The following PRUNE2 variants were observed in gnomAD, a reference collection of about 807,000 sequenced individuals.
PRUNE2 encodes prune homolog 2 with BCH domain, also known as protein prune homolog 2.
In PRUNE2, 164 loss-of-function variants were observed where a neutral mutation model predicts 252.0. That is an observed-to-expected ratio of 0.65 (90% CI 0.57 to 0.74). The LOEUF is 0.74. Among genes scored for constraint, PRUNE2 ranks in the 30% least tolerant of loss-of-function variants. The probability of loss-of-function intolerance (pLI) is 0.00; values close to 1 mark genes in which losing one functional copy is unlikely to be tolerated. For missense variants in PRUNE2, 3,495 were observed against 3,711.0 expected (o/e 0.94, Z 1.51); for synonymous variants, 1,292 against 1,350.2 (o/e 0.96, Z 0.94).
intron 1 of PRUNE2, among the ~76,000 whole-genome samples, chr9:76,884,218 G>A (rs936997271): frequency 1.3e-5 from 2 of 152,084 alleles, no homozygotes; most frequent in African/African-American, 4.8e-5. Context: ...TCCATCCCTG[G>A]TTTCACTGCA....
At chr9:76,781,991 G>C (rs572946688) in intron 6 of PRUNE2, among the ~76,000 whole-genome samples, 8 of 152,280 alleles carry the variant, frequency 5.3e-5, no homozygotes, top group South Asian at 2.1e-4. Flanking sequence ...GAAGCAGGTG[G>C]ATCATGAGGT....
intron 9 of PRUNE2, among the ~76,000 whole-genome samples, chr9:76,671,555 C>T (rs560001528): frequency 3.2e-4 from 48 of 152,196 alleles, no homozygotes; most frequent in Middle Eastern, 3.4e-3. Flanking sequence ...ACAGAGAACG[C>T]CACAAAGATA....
chr9:76,858,846 G>C (rs1233100759), intron 1 of PRUNE2, among the ~76,000 whole-genome samples: 2 of 152,066 alleles, frequency 1.3e-5, no homozygotes, highest in Non-Finnish European at 2.9e-5. Flanking sequence ...GGGTGTCTCA[G>C]GCTAAGGAAA....
At chr9:76,855,838 C>T (rs375253603) in intron 1 of PRUNE2, among the ~76,000 whole-genome samples, 8 of 152,280 alleles carry the variant, frequency 5.3e-5, no homozygotes, top group African/African-American at 1.9e-4. Context: ...AGTTTCCTTC[C>T]CCTACACTCA....
chr9:76,814,292 T>C (rs1199832932), intron 6 of PRUNE2, among the ~76,000 whole-genome samples: 2 of 152,050 alleles, frequency 1.3e-5, no homozygotes, highest in Non-Finnish European at 1.5e-5. Context: ...ACACCTGAGG[T>C]TAGGTCACAA....
At chr9:76,898,892 T>C (rs1016773624) in intron 1 of PRUNE2, among the ~76,000 whole-genome samples, 7 of 152,198 alleles carry the variant, frequency 4.6e-5, no homozygotes, top group Non-Finnish European at 7.3e-5. Flanking sequence ...CCAGGAGAGT[T>C]AGATGAAGTG....
chr9:76,648,259 A>C (rs1845769196), intron 11 of PRUNE2, among the ~76,000 whole-genome samples: 1 of 152,182 alleles, frequency 6.6e-6, no homozygotes, highest in African/African-American at 2.4e-5. Flanking sequence ...AGAGTTTGGC[A>C]GTTTCTTACA....
rs150092615 is a variant in PRUNE2 at position 76,625,466 on chromosome 9, C to T, written c.9150-976G>A. 3.1e-3 allele frequency among the ~76,000 whole-genome samples: 472 copies of T among 152,248 alleles called. 1 individual carries two copies. The highest frequency in any genetic ancestry group is 0.01 in the African/African-American group (434 of 41,536). On this transcript the variant is annotated intron_variant, in intron 16 of 18. Coordinates refer to ENST00000376718, the MANE Select transcript of PRUNE2 (RefSeq NM_015225.3). ...ACACAATGATGAAAACATCTAAAGACGCACTTCTCAGAACATGTCTCTGTC... is the reference window on the plus strand; with the variant it reads ...ACACAATGATGAAAACATCTAAAGATGCACTTCTCAGAACATGTCTCTGTC...
intron 12 of PRUNE2, among the ~76,000 whole-genome samples, chr9:76,642,228 G>C (rs1392020114): frequency 6.6e-6 from 1 of 152,114 alleles, no homozygotes; most frequent in East Asian, 1.9e-4. Flanking sequence ...CATAGGATGT[G>C]AACAGTGGTG....
intron 6 of PRUNE2, chr9:76,736,542 C>G (rs937362384): frequency 2.0e-5 from 3 of 152,226 alleles, no homozygotes; most frequent in Non-Finnish European, 4.4e-5. Flanking sequence ...CTGACATACT[C>G]GCTGTCTGAT....
chr9:76,634,863 T>C (rs1839296124), intron 15 of PRUNE2, among the ~76,000 whole-genome samples: 1 of 152,216 alleles, frequency 6.6e-6, no homozygotes, highest in Non-Finnish European at 1.5e-5. Flanking sequence ...TTTCTACCCA[T>C]TAAACTTTTT....
At chr9:76,703,297 T>G in intron 9 of PRUNE2, 40 bp downstream of exon 9, 1 of 1,523,514 alleles carries the variant, frequency 6.6e-7, no homozygotes, top group Non-Finnish European at 8.8e-7. Context: ...CTAAATAAAT[T>G]GCTTTTCAGG....
At chr9:76,856,612 A>T (rs1424162600) in intron 1 of PRUNE2, 1 of 153,786 alleles carries the variant, frequency 6.5e-6, no homozygotes, top group Non-Finnish European at 1.4e-5. Context: ...ATTTACATGG[A>T]TTGAATGTAA....
intron 9 of PRUNE2, among the ~76,000 whole-genome samples, chr9:76,668,587 C>T (rs2040665998): frequency 6.6e-6 from 1 of 152,026 alleles, no homozygotes; most frequent in Non-Finnish European, 1.5e-5. Context: ...GAGGTGGAAG[C>T]TGGAGAGAGG....
At chr9:76,630,187 A>C (rs758339322) in intron 15 of PRUNE2, among the ~76,000 whole-genome samples, 11 of 151,492 alleles carry the variant, frequency 7.3e-5, no homozygotes, top group Non-Finnish European at 1.6e-4. Context: ...TTCAGAATCT[A>C]CCAAGTTTGA....
intron 9 of PRUNE2, among the ~76,000 whole-genome samples, chr9:76,673,743 G>A (rs1432219654): frequency 6.8e-6 from 1 of 147,970 alleles, no homozygotes; most frequent in African/African-American, 2.5e-5. Flanking sequence ...TGCAAGGCTG[G>A]TTCAATATAC....
chr9:76,705,089 G>C lies in PRUNE2; in HGVS notation c.7185C>G (p.Pro2395=). The C allele has an allele frequency of 6.2e-7, 1 of 1,614,044 alleles. No homozygotes were observed. Among genetic ancestry groups the C allele is most frequent in the Non-Finnish European group, 8.5e-7 (1 of 1,179,902 alleles). Residue 2395 remains proline, a synonymous_variant, in exon 8 of 19, where the codon CCC becomes CCG. Coordinates refer to ENST00000376718, the MANE Select transcript of PRUNE2 (RefSeq NM_015225.3). ...GTTCTGTGAGATAAGACAAATCAAA[G>C]GGAGGTGTGTACGGTGCCAGCGACT... ...LKQSLAPYTP[P]FDLSYLTEPA... is the part of the protein sequence containing the mutation.
intron 9 of PRUNE2, among the ~76,000 whole-genome samples, chr9:76,702,165 T>G (rs1338489424): frequency 6.6e-6 from 1 of 151,514 alleles, no homozygotes; most frequent in Non-Finnish European, 1.5e-5. Context: ...GTTCAAGCAA[T>G]TCTCCTGTCT....
rs12341369 is a variant in PRUNE2 at position 76,811,635 on chromosome 9, C to G, written c.756+11997G>C. The stretch of plus-strand genomic sequence containing the variant: ...TCCTCCTGCTCAAGGATTTCAATTT[C>G]TAGACTTTCTGAAGGTCTAGAAACA... On this transcript the variant is annotated intron_variant, in intron 6 of 18. Transcript: ENST00000376718. 8.8e-3 allele frequency among the ~76,000 whole-genome samples: 1,344 copies of G among 152,258 alleles called. 26 individuals carry two copies. The highest frequency in any genetic ancestry group is 0.031 in the African/African-American group (1,290 of 41,534).
Sources: gnomAD v4.1 joint callset for allele counts (sites outside exome capture counted in the v4.1 genomes callset) on GRCh38, gnomAD v4.1.1 for gene constraint, MANE v1.5 for transcripts, NCBI Gene and HGNC (gene_info 2026-07-23, HGNC 2026-07-21) for gene names.